Variants in COMMD1 observed in about 807,000 individuals in gnomAD.
COMMD1 encodes COMM domain-containing protein 1.
Under a neutral mutation model 17.2 loss-of-function variants are expected in COMMD1, and 10 were observed. That is an observed-to-expected ratio of 0.58 (90% confidence interval 0.36 to 0.99). The LOEUF (loss-of-function observed/expected upper bound fraction) is 0.99. Ranked by LOEUF, COMMD1 falls within the 50% of genes least tolerant of loss-of-function variation. COMMD1 has a pLI of 0.01. For missense variants in COMMD1, 270 were observed against 231.8 expected (o/e 1.17, Z -1.07); for synonymous variants, 97 against 91.6 (o/e 1.06, Z -0.34).
chr2:61,968,945 CTTTTTT>C (rs57247770), intron 1 of COMMD1: 32 of 213,906 alleles, frequency 1.5e-4, no homozygotes, highest in South Asian at 2.8e-4. Context: ...TTTATTTAGT[CTTTTTT>C]TTTTTTTTTT....
At chr2:62,047,789 A>G (rs887532450) in intron 2 of COMMD1, among the ~76,000 whole-genome samples, 1 of 152,014 alleles carries the variant, frequency 6.6e-6, no homozygotes, top group African/African-American at 2.4e-5. Flanking sequence ...ATCTTTTTAT[A>G]CTGTATTTTT....
At chr2:62,074,571 G>C (rs943294926) in intron 2 of COMMD1, among the ~76,000 whole-genome samples, 2 of 152,220 alleles carry the variant, frequency 1.3e-5, no homozygotes, top group African/African-American at 2.4e-5. Context: ...TCTGAACCCA[G>C]GAGGCTAAAC....
chr2:62,061,226 A>G (rs941851119), intron 2 of COMMD1, among the ~76,000 whole-genome samples: 1 of 152,218 alleles, frequency 6.6e-6, no homozygotes, highest in East Asian at 1.9e-4. Flanking sequence ...TGAGTGTGTC[A>G]TATTTTCCTG....
intron 1 of COMMD1, among the ~76,000 whole-genome samples, chr2:61,981,633 G>T (rs909377087): frequency 1.3e-5 from 2 of 152,158 alleles, no homozygotes; most frequent in African/African-American, 4.8e-5. Flanking sequence ...ACGTGGCTGG[G>T]GAGGCCTCAC....
At chr2:61,985,732 TAAAC>T (rs1376512055) in intron 1 of COMMD1, among the ~76,000 whole-genome samples, 3 of 152,172 alleles carry the variant, frequency 2.0e-5, no homozygotes, top group Non-Finnish European at 4.4e-5. Context: ...GTAGCATACA[TAAAC>T]AAACAAGCAA....
chr2:61,985,877 G>T (rs1317162410), intron 1 of COMMD1, among the ~76,000 whole-genome samples: 1 of 152,006 alleles, frequency 6.6e-6, no homozygotes, highest in Non-Finnish European at 1.5e-5. Flanking sequence ...TCATCTTTTA[G>T]TCTTTCTACT....
intron 1 of COMMD1, among the ~76,000 whole-genome samples, chr2:61,994,085 C>G (rs1348600866): frequency 6.6e-6 from 1 of 152,112 alleles, no homozygotes; most frequent in Non-Finnish European, 1.5e-5. Context: ...CTCCCGGGTT[C>G]AAGCGATTCT....
At chr2:61,962,809 T>G (rs887795132) in intron 1 of COMMD1, among the ~76,000 whole-genome samples, 2 of 152,176 alleles carry the variant, frequency 1.3e-5, no homozygotes, top group Admixed American at 1.3e-4. Flanking sequence ...CTCCCAGACC[T>G]TACCCCAGGT....
At chr2:61,894,864 A>T (rs1471405753) in intron 1 of COMMD1, among the ~76,000 whole-genome samples, 1 of 151,680 alleles carries the variant, frequency 6.6e-6, no homozygotes, top group Non-Finnish European at 1.5e-5. Context: ...ACGCCCAGCT[A>T]ATTTTGTATT....
At chr2:62,123,375 C>T (rs1455699961) in intron 2 of COMMD1, among the ~76,000 whole-genome samples, 17 of 150,612 alleles carry the variant, frequency 1.1e-4, no homozygotes, top group South Asian at 1.1e-3. Flanking sequence ...TGTGGTGGCG[C>T]GCACCTGTAG....
At chr2:61,954,784 C>T (rs1671152322) in intron 1 of COMMD1, among the ~76,000 whole-genome samples, 1 of 152,064 alleles carries the variant, frequency 6.6e-6, no homozygotes, top group Non-Finnish European at 1.5e-5. Context: ...CAGGTTAAAG[C>T]AATTCTCCTA....
At chr2:61,953,559 A>G (rs1270768217) in intron 1 of COMMD1, among the ~76,000 whole-genome samples, 2 of 151,648 alleles carry the variant, frequency 1.3e-5, no homozygotes, top group East Asian at 3.9e-4. Context: ...TAGTAGAGAC[A>G]GGGTTTCACC....
intron 1 of COMMD1, among the ~76,000 whole-genome samples, chr2:61,942,575 T>C (rs1480109580): frequency 2.1e-5 from 3 of 145,454 alleles, no homozygotes; most frequent in African/African-American, 5.1e-5. Flanking sequence ...TGTCTCACTC[T>C]GTTGCCCAGG....
chr2:61,912,053 TCTTA>T (rs1259751194), intron 1 of COMMD1, among the ~76,000 whole-genome samples: 1 of 152,240 alleles, frequency 6.6e-6, no homozygotes, highest in Non-Finnish European at 1.5e-5. Context: ...TCTTCCTTCC[TCTTA>T]CTTTTTACCT....
chr2:62,018,201 C>T (rs186422543), intron 2 of COMMD1, among the ~76,000 whole-genome samples: 1 of 152,140 alleles, frequency 6.6e-6, no homozygotes. Context: ...CACATGGCTA[C>T]CCAGGGGGAA....
intron 1 of COMMD1, among the ~76,000 whole-genome samples, chr2:61,937,072 TAAAG>T (rs896466199): frequency 1.5e-4 from 23 of 152,172 alleles, no homozygotes; most frequent in Admixed American, 3.9e-4. Flanking sequence ...GATTTATTGT[TAAAG>T]AAAGGAATGT....
At chr2:61,918,180 AAAG>A (rs775426608) in intron 1 of COMMD1, among the ~76,000 whole-genome samples, 3 of 152,214 alleles carry the variant, frequency 2.0e-5, no homozygotes, top group Non-Finnish European at 4.4e-5. Flanking sequence ...TATTATCCAA[AAAG>A]ATGTCTAAAT....
chr2:62,116,787 G>A (rs1436025477), intron 2 of COMMD1, among the ~76,000 whole-genome samples: 1 of 149,782 alleles, frequency 6.7e-6, no homozygotes, highest in African/African-American at 2.5e-5. Context: ...GGGAGTTCCA[G>A]ACCAGCCTGA....
intron 2 of COMMD1, among the ~76,000 whole-genome samples, chr2:62,061,785 C>A (rs1277849580): frequency 6.6e-6 from 1 of 151,922 alleles, no homozygotes; most frequent in African/African-American, 2.4e-5. Flanking sequence ...TGGTCTCGAT[C>A]TCCTGACCTC....
Sources: allele counts gnomAD v4.1 joint callset (sites outside exome capture counted in the v4.1 genomes callset), GRCh38; gene constraint gnomAD v4.1.1; transcripts MANE v1.5; gene names NCBI Gene and HGNC (gene_info 2026-07-23, HGNC 2026-07-21).